Variants in NALF1 observed in about 807,000 individuals in gnomAD.
The protein encoded by NALF1 is NALCN channel auxiliary factor 1.
NALF1 carries 3 observed loss-of-function variants against 48.4 expected under a neutral mutation model. That is an observed-to-expected ratio of 0.06 (90% CI 0.03 to 0.16). NALF1 has a LOEUF of 0.16. Among genes scored for constraint, NALF1 ranks in the 10% least tolerant of loss-of-function variants. The pLI is 1.00. For synonymous variants in NALF1, 262 were observed against 245.7 expected (o/e 1.07, Z -0.62); for missense variants, 526 against 571.5 (o/e 0.92, Z 0.81).
chr13:107,335,378 A>G (rs921379375), intron 1 of NALF1, among the ~76,000 whole-genome samples: 28 of 152,322 alleles, frequency 1.8e-4, no homozygotes, highest in African/African-American at 6.0e-4. Context: ...CTGTACTGCA[A>G]ATAAAACGGA....
At chr13:107,381,250 G>A (rs888992094) in intron 1 of NALF1, among the ~76,000 whole-genome samples, 2 of 150,896 alleles carry the variant, frequency 1.3e-5, no homozygotes, top group Non-Finnish European at 3.0e-5. Flanking sequence ...GCCCAGGCTG[G>A]AGTGCAGTGG....
At chr13:107,212,145 A>C (rs1272637908) in intron 1 of NALF1, among the ~76,000 whole-genome samples, 1 of 152,248 alleles carries the variant, frequency 6.6e-6, no homozygotes, top group African/African-American at 2.4e-5. Context: ...ATTTGGTAGA[A>C]GGAGGATTGT....
At chr13:107,814,481 A>G (rs1236292490) in intron 1 of NALF1, among the ~76,000 whole-genome samples, 1 of 152,154 alleles carries the variant, frequency 6.6e-6, no homozygotes, top group African/African-American at 2.4e-5. Context: ...AAAAGGCTGG[A>G]GAAAGGTATA....
At chr13:107,244,082 T>C (rs576114698) in intron 1 of NALF1, among the ~76,000 whole-genome samples, 47 of 152,328 alleles carry the variant, frequency 3.1e-4, no homozygotes, top group Admixed American at 1.4e-3. Flanking sequence ...GCCATTATTT[T>C]GTATCAAAAT....
At chr13:107,617,802 C>T (rs1158244490) in intron 1 of NALF1, among the ~76,000 whole-genome samples, 1 of 152,140 alleles carries the variant, frequency 6.6e-6, no homozygotes, top group African/African-American at 2.4e-5. Context: ...AGCATTTCTA[C>T]AGGCACACAA....
intron 1 of NALF1, among the ~76,000 whole-genome samples, chr13:107,233,809 AG>A (rs1459368632): frequency 6.6e-6 from 1 of 152,220 alleles, no homozygotes; most frequent in Non-Finnish European, 1.5e-5. Flanking sequence ...TGAGGGAGAG[AG>A]GAAAAGCTTA....
At chr13:107,618,824 A>C (rs1879451284) in intron 1 of NALF1, among the ~76,000 whole-genome samples, 2 of 152,186 alleles carry the variant, frequency 1.3e-5, no homozygotes, top group Non-Finnish European at 2.9e-5. Flanking sequence ...CTTAGTCTGC[A>C]GGGGTGGAAA....
At chr13:107,770,307 A>C (rs1438794173) in intron 1 of NALF1, among the ~76,000 whole-genome samples, 1 of 152,132 alleles carries the variant, frequency 6.6e-6, no homozygotes, top group African/African-American at 2.4e-5. Flanking sequence ...AGCTGCCTAA[A>C]ATTCAGAGGT....
chr13:107,409,565 A>T (rs917442228), intron 1 of NALF1, among the ~76,000 whole-genome samples: 23 of 152,274 alleles, frequency 1.5e-4, no homozygotes, highest in African/African-American at 5.5e-4. Flanking sequence ...GTGAGAGACA[A>T]TGTGGGTACA....
chr13:107,595,320 A>T (rs3956602), intron 1 of NALF1, among the ~76,000 whole-genome samples: 123,530 of 152,150 alleles, frequency 0.81, 50,167 homozygotes, highest in Admixed American at 0.84. Flanking sequence ...TTCTTTTACA[A>T]AACAATTTAA....
intron 1 of NALF1, among the ~76,000 whole-genome samples, chr13:107,276,615 TG>T (rs538054093): frequency 3.3e-5 from 5 of 152,204 alleles, no homozygotes; most frequent in Admixed American, 1.3e-4. Flanking sequence ...TTTATATGCC[TG>T]CTGTTTTGAT....
intron 1 of NALF1, among the ~76,000 whole-genome samples, chr13:107,853,131 T>C (rs533442490): frequency 5.6e-4 from 85 of 152,336 alleles, no homozygotes; most frequent in African/African-American, 1.9e-3. Flanking sequence ...TTGAGTGCTG[T>C]ATAGTGTCTT....
chr13:107,545,925 C>T (rs1449275728), intron 1 of NALF1, among the ~76,000 whole-genome samples: 1 of 152,148 alleles, frequency 6.6e-6, no homozygotes, highest in East Asian at 1.9e-4. Context: ...ACTTCTTCCT[C>T]ATAGCAAACA....
At chr13:107,753,430 T>TTTG (rs141088709) in intron 1 of NALF1, among the ~76,000 whole-genome samples, 24,690 of 151,534 alleles carry the variant, frequency 0.16, 2,245 homozygotes, top group African/African-American at 0.25. Context: ...ACAAATCTTC[T>TTTG]TTGTTGTTGT....
At chr13:107,300,771 C>T (rs1249768848) in intron 1 of NALF1, among the ~76,000 whole-genome samples, 1 of 152,088 alleles carries the variant, frequency 6.6e-6, no homozygotes, top group Admixed American at 6.6e-5. Context: ...GTTGAAATGT[C>T]TAATATCCAT....
At position 107,555,547 on chromosome 13, in the gene NALF1, G is replaced by A. The variant is rs572992598; in HGVS notation, c.915+310135C>T. Among the ~76,000 whole-genome samples the A allele has an allele frequency of 2.2e-3, 325 of 146,732 alleles. 1 individual carries two copies. Among genetic ancestry groups the A allele is most frequent in the African/African-American group, 7.7e-3 (305 of 39,746 alleles). On this transcript the variant is annotated intron_variant, in intron 1 of 2. Transcript: ENST00000375915. ...TGACCTCAGGTGATCTGCCTGCCTC[G>A]GCCTCCCAAAGTGATGAGATTATAG...
intron 1 of NALF1, among the ~76,000 whole-genome samples, chr13:107,850,862 T>C (rs983999525): frequency 6.6e-6 from 1 of 151,164 alleles, no homozygotes; most frequent in Non-Finnish European, 1.5e-5. Context: ...AAGATAGCAC[T>C]CCTGCACTCC....
At chr13:107,535,586 C>G (rs1411170227) in intron 1 of NALF1, among the ~76,000 whole-genome samples, 2 of 152,082 alleles carry the variant, frequency 1.3e-5, no homozygotes, top group African/African-American at 4.8e-5. Flanking sequence ...AGGACACAAA[C>G]AAATGGAAGA....
intron 1 of NALF1, among the ~76,000 whole-genome samples, chr13:107,233,770 A>G (rs1880279110): frequency 6.6e-6 from 1 of 152,228 alleles, no homozygotes; most frequent in Non-Finnish European, 1.5e-5. Context: ...GAACAACTAC[A>G]TTTACCACAC....
Sources: gnomAD v4.1 joint callset for allele counts (sites outside exome capture counted in the v4.1 genomes callset) on GRCh38, gnomAD v4.1.1 for gene constraint, MANE v1.5 for transcripts, NCBI Gene and HGNC (gene_info 2026-07-23, HGNC 2026-07-21) for gene names.